The following BNC2 variants were observed in gnomAD, a reference collection of about 807,000 sequenced individuals.
BNC2 encodes the protein zinc finger protein basonuclin-2.
In BNC2, 20 loss-of-function variants were observed where a neutral mutation model predicts 76.3. The ratio of observed to expected loss-of-function variants is 0.26; its 90% CI spans 0.18 to 0.38. The LOEUF (loss-of-function observed/expected upper bound fraction) is 0.38. BNC2 is among the 10% of genes least tolerant of loss of function. BNC2 has a pLI of 1.00. For synonymous variants in BNC2, 582 were observed against 514.8 expected, an observed-to-expected ratio of 1.13 and a Z score of -1.77; for missense variants, 1,382 against 1,399.8, an observed-to-expected ratio of 0.99 and a Z score of 0.20.
chr9:16,708,346 T>A (rs144771081), intron 3 of BNC2, among the ~76,000 whole-genome samples: 1 of 152,200 alleles, frequency 6.6e-6, no homozygotes, highest in African/African-American at 2.4e-5. Flanking sequence ...AGTTTTCTCA[T>A]GAACTTCTAT....
chr9:16,620,587 CATG>C (rs1820838533), intron 3 of BNC2, among the ~76,000 whole-genome samples: 1 of 152,054 alleles, frequency 6.6e-6, no homozygotes, highest in South Asian at 2.1e-4. Context: ...GGAAGCAAAC[CATG>C]TGACACAAAA....
At chr9:16,653,290 G>A (rs1821841082) in intron 3 of BNC2, among the ~76,000 whole-genome samples, 1 of 152,078 alleles carries the variant, frequency 6.6e-6, no homozygotes, top group African/African-American at 2.4e-5. Flanking sequence ...TTGAAATAGA[G>A]AAGAGGGGAA....
At chr9:16,788,443 C>G (rs565864216) in intron 1 of BNC2, among the ~76,000 whole-genome samples, 2 of 151,670 alleles carry the variant, frequency 1.3e-5, no homozygotes, top group South Asian at 4.2e-4. Context: ...ATTCCAGCTA[C>G]TCGGGAGGCT....
chr9:16,582,540 A>C (rs1489264985), intron 4 of BNC2, among the ~76,000 whole-genome samples: 1 of 152,184 alleles, frequency 6.6e-6, no homozygotes, highest in East Asian at 1.9e-4. Flanking sequence ...TACAACATTT[A>C]ACATCTAGAA....
intron 1 of BNC2, among the ~76,000 whole-genome samples, chr9:16,784,779 T>C (rs1421216136): frequency 6.6e-6 from 1 of 151,800 alleles, no homozygotes; most frequent in Admixed American, 6.6e-5. Flanking sequence ...GTTAAAAGAG[T>C]GATGTGAACT....
chr9:16,481,018 G>C (rs1307898907), intron 5 of BNC2, among the ~76,000 whole-genome samples: 1 of 152,198 alleles, frequency 6.6e-6, no homozygotes, highest in Non-Finnish European at 1.5e-5. Flanking sequence ...CTCAGGGATT[G>C]TAAATACACC....
chr9:16,796,224 T>C (rs1817643496), intron 1 of BNC2, among the ~76,000 whole-genome samples: 1 of 152,184 alleles, frequency 6.6e-6, no homozygotes, highest in South Asian at 2.1e-4. Context: ...CGTAAGTACT[T>C]TATATAGTTT....
At chr9:16,795,354 A>G (rs1817617114) in intron 1 of BNC2, among the ~76,000 whole-genome samples, 1 of 151,078 alleles carries the variant, frequency 6.6e-6, no homozygotes, top group Non-Finnish European at 1.5e-5. Context: ...TGACACAAAC[A>G]AATGATGACT....
chr9:16,635,160 C>A (rs548995918), intron 3 of BNC2, among the ~76,000 whole-genome samples: 1 of 152,276 alleles, frequency 6.6e-6, no homozygotes, highest in Admixed American at 6.5e-5. Flanking sequence ...GTCTATGAAG[C>A]CAAGGCTTTT....
At chr9:16,686,743 A>T (rs773351735) in intron 3 of BNC2, among the ~76,000 whole-genome samples, 41 of 152,324 alleles carry the variant, frequency 2.7e-4, no homozygotes, top group Middle Eastern at 6.8e-3. Flanking sequence ...AATCGTCCAA[A>T]CTTAAACAAC....
At position 16,789,463 on chromosome 9, in the gene BNC2, C is replaced by A. The variant is rs78200668; in HGVS notation, c.4-50978G>T. Among the ~76,000 whole-genome samples the A allele has an allele frequency of 6.7e-3, 1,018 of 152,238 alleles. 12 individuals are homozygous for A. Among genetic ancestry groups the A allele is most frequent in the African/African-American group, 0.023 (946 of 41,544 alleles). ...GTTCCTGATCTGGCCCATATCTTACCCTACACACTTCAACAACACTCAACT... is the reference window on the plus strand; with the variant it reads ...GTTCCTGATCTGGCCCATATCTTACACTACACACTTCAACAACACTCAACT... On this transcript the variant is annotated intron_variant, in intron 1 of 6. Transcript: ENST00000380672.
intron 5 of BNC2, among the ~76,000 whole-genome samples, chr9:16,472,563 G>A (rs955583516): frequency 3.3e-5 from 5 of 151,836 alleles, no homozygotes; most frequent in Admixed American, 1.3e-4. Flanking sequence ...AGACTGGCTC[G>A]CCTATTCACT....
intron 5 of BNC2, among the ~76,000 whole-genome samples, chr9:16,458,456 T>C (rs1014654232): frequency 3.0e-4 from 46 of 152,194 alleles, no homozygotes; most frequent in African/African-American, 1.1e-3. Context: ...TCAAATAGGG[T>C]AGAAAATCTT....
At chr9:16,831,230 G>T (rs1298480795) in intron 1 of BNC2, among the ~76,000 whole-genome samples, 1 of 152,152 alleles carries the variant, frequency 6.6e-6, no homozygotes, top group Non-Finnish European at 1.5e-5. Context: ...CTTCAAAGGG[G>T]CTAACAGATT....
At chr9:16,626,823 C>G (rs1412128469) in intron 3 of BNC2, among the ~76,000 whole-genome samples, 1 of 152,170 alleles carries the variant, frequency 6.6e-6, no homozygotes, top group Non-Finnish European at 1.5e-5. Flanking sequence ...AGTCATCTTA[C>G]TAGATGCTCT....
intron 1 of BNC2, among the ~76,000 whole-genome samples, chr9:16,773,528 A>AT (rs200684260): frequency 6.8e-6 from 1 of 146,070 alleles, no homozygotes; most frequent in African/African-American, 2.5e-5. Flanking sequence ...AAAAAAAAAA[A>AT]GGTGAGGGAC....
chr9:16,467,995 G>T, intron 5 of BNC2, among the ~76,000 whole-genome samples: 1 of 148,922 alleles, frequency 6.7e-6, no homozygotes. Context: ...ATGCTGTTCT[G>T]TTACTGTGTT....
intron 3 of BNC2, among the ~76,000 whole-genome samples, chr9:16,631,927 G>A (rs1228742657): frequency 6.6e-6 from 1 of 152,214 alleles, no homozygotes; most frequent in Admixed American, 6.5e-5. Context: ...CAACATGGGA[G>A]AATGTTCCAC....
At chr9:16,665,470 G>GAAAT (rs1167622473) in intron 3 of BNC2, among the ~76,000 whole-genome samples, 10 of 143,198 alleles carry the variant, frequency 7.0e-5, no homozygotes, top group African/African-American at 2.6e-4. Flanking sequence ...AAGAAAGAAA[G>GAAAT]AAAGAAAGAA....
Sources: gnomAD v4.1 joint callset for allele counts (sites outside exome capture counted in the v4.1 genomes callset) on GRCh38, gnomAD v4.1.1 for gene constraint, MANE v1.5 for transcripts, NCBI Gene and HGNC (gene_info 2026-07-23, HGNC 2026-07-21) for gene names.